Variants in ALG6 observed in about 807,000 individuals in gnomAD.
ALG6 encodes ALG6 alpha-1,3-glucosyltransferase, also known as dolichyl pyrophosphate Man9GlcNAc2 alpha-1,3-glucosyltransferase.
In ALG6, 46 loss-of-function variants were observed where a neutral mutation model predicts 66.6. That is an observed-to-expected ratio of 0.69 (90% confidence interval 0.55 to 0.88). The LOEUF (loss-of-function observed/expected upper bound fraction) is 0.88. Among genes scored for constraint, ALG6 ranks in the 40% least tolerant of loss-of-function variants. ALG6 has a pLI of 0.00. For synonymous variants in ALG6, 185 were observed against 203.7 expected, an observed-to-expected ratio of 0.91 and a Z score of 0.78; for missense variants, 505 against 586.8, an observed-to-expected ratio of 0.86 and a Z score of 1.44.
chr1:63,407,395 A>T (rs1384343230), intron 7 of ALG6, among the ~76,000 whole-genome samples: 3 of 152,106 alleles, frequency 2.0e-5, no homozygotes, highest in African/African-American at 7.2e-5. Flanking sequence ...TTGGAAAAAG[A>T]GTGCCAAGTA....
At position 63,425,562 on chromosome 1, in the gene ALG6, G is replaced by A. The variant is rs934561022; in HGVS notation, c.1059-3171G>A. On this transcript the variant is annotated intron_variant, in intron 12 of 14. Transcript: ENST00000263440. ...GGGAGAAGTGTGAAACATTTTCTAAGGAGAGACAGAGTGTAAACAGATCAG... is the reference window on the plus strand; with the variant it reads ...GGGAGAAGTGTGAAACATTTTCTAAAGAGAGACAGAGTGTAAACAGATCAG... Among the ~76,000 whole-genome samples, 9 of 152,326 alleles carry A rather than the reference G, an allele frequency of 5.9e-5. No homozygotes were observed. The South Asian group carries it at 1.2e-3, about 21-fold the overall frequency.
chr1:63,403,270 T>G (rs979362261), intron 4 of ALG6, among the ~76,000 whole-genome samples: 1 of 151,912 alleles, frequency 6.6e-6, no homozygotes, highest in African/African-American at 2.4e-5. Flanking sequence ...TATAAGAAAG[T>G]TTTTTTTCTG....
At position 63,433,168 on chromosome 1, in the gene ALG6, C is replaced by G. The variant is rs1294505041; in HGVS notation, c.1327-3655C>G. On this transcript the variant is annotated intron_variant, in intron 14 of 14. Coordinates refer to ENST00000263440, the MANE Select transcript of ALG6 (RefSeq NM_013339.4). This position sits in a 1 kb window ranked among gnomAD's most constrained non-coding sequence, Gnocchi z 4.2. ...ATATTGGCCAGGCTGGTCTCGAACT[C>G]CTGACCTCGTGATCCACCCGCCTCA... Among the ~76,000 whole-genome samples, 1 of 152,110 alleles carries G rather than the reference C, an allele frequency of 6.6e-6. No homozygotes were observed. Among genetic ancestry groups the G allele is most frequent in the Non-Finnish European group, 1.5e-5 (1 of 68,028 alleles).
intron 2 of ALG6, among the ~76,000 whole-genome samples, chr1:63,385,184 CTTTTTTTTTTTTTTTTTTTT>C (rs1165046824): frequency 1.7e-5 from 1 of 58,954 alleles, no homozygotes; most frequent in Non-Finnish European, 3.2e-5. Flanking sequence ...TTTACTTCTT[CTTTTTTTTTTTTTTTTTTTT>C]TTTTTTTTTT....
intron 2 of ALG6, among the ~76,000 whole-genome samples, chr1:63,385,314 C>T (rs1409683486): frequency 6.7e-6 from 1 of 149,778 alleles, no homozygotes; most frequent in Admixed American, 6.7e-5. Flanking sequence ...ATTCTCCTGC[C>T]TCAGTCTCCT....
At chr1:63,396,949 G>A (rs1648842404) in intron 3 of ALG6, among the ~76,000 whole-genome samples, 1 of 152,154 alleles carries the variant, frequency 6.6e-6, no homozygotes, top group East Asian at 1.9e-4. Context: ...AGATCACTAT[G>A]ATTGTAACTA....
Position 63,437,870 on chromosome 1 carries a change from C to G in ALG6, c.*850C>G, listed in dbSNP as rs757596302. On this transcript the variant is annotated 3_prime_UTR_variant, in exon 15 of 15. Coordinates refer to ENST00000263440, the MANE Select transcript of ALG6 (RefSeq NM_013339.4). ...GGTTACCACTGCCAGAGCATTGATT[C>G]ATGTTAACTTCATCCTATTAATACT... is the stretch of plus-strand genomic sequence containing the variant. The G allele has an allele frequency of 3.3e-5, 5 of 151,800 alleles. No individual in the cohort carries two copies. The highest frequency in any genetic ancestry group is 4.8e-5 in the African/African-American group (2 of 41,358). 9.4% of individuals were successfully genotyped at this position (151,800 alleles called of 1,614,324 possible).
At chr1:63,397,481 G>A (rs1648861751) in intron 3 of ALG6, among the ~76,000 whole-genome samples, 1 of 152,002 alleles carries the variant, frequency 6.6e-6, no homozygotes, top group South Asian at 2.1e-4. Flanking sequence ...CACCATGTGC[G>A]GCCTAGGTGT....
chr1:63,399,303 G>A (rs966175910), intron 3 of ALG6, among the ~76,000 whole-genome samples: 32 of 152,166 alleles, frequency 2.1e-4, no homozygotes, highest in Admixed American at 4.6e-4. Flanking sequence ...TTACATGTAC[G>A]TGAAACAGAA....
intron 10 of ALG6, among the ~76,000 whole-genome samples, chr1:63,414,379 G>A (rs544884732): frequency 1.3e-5 from 2 of 152,028 alleles, no homozygotes; most frequent in African/African-American, 4.8e-5. Flanking sequence ...AGCCTCTGGA[G>A]TAGCTGGGAT....
intron 2 of ALG6, chr1:63,371,378 G>A (rs1647920260): frequency 6.0e-6 from 2 of 331,564 alleles, no homozygotes; most frequent in Non-Finnish European, 1.1e-5. Flanking sequence ...TCTGTTTAGG[G>A]TAGAGAAGCA....
At chr1:63,432,685 A>G (rs1644652709) in intron 14 of ALG6, among the ~76,000 whole-genome samples, 1 of 152,264 alleles carries the variant, frequency 6.6e-6, no homozygotes, top group Admixed American at 6.5e-5. Flanking sequence ...AATTAGAGGC[A>G]GCTCAATTAT....
intron 2 of ALG6, among the ~76,000 whole-genome samples, chr1:63,393,616 T>C (rs1168341665): frequency 6.6e-6 from 1 of 152,196 alleles, no homozygotes; most frequent in Non-Finnish European, 1.5e-5. Context: ...GTATAGAATA[T>C]GGAATAAGAA....
At chr1:63,435,832 A>G (rs1337890159) in intron 14 of ALG6, among the ~76,000 whole-genome samples, 1 of 152,210 alleles carries the variant, frequency 6.6e-6, no homozygotes, top group Admixed American at 6.5e-5. Context: ...ACTGGAGTGC[A>G]GACAAAACAT....
At chr1:63,386,613 A>G (rs1214928232) in intron 2 of ALG6, among the ~76,000 whole-genome samples, 1 of 152,136 alleles carries the variant, frequency 6.6e-6, no homozygotes, top group African/African-American at 2.4e-5. Context: ...AATTGCTCAT[A>G]GTAGTCTCTG....
rs550315127 is a variant in ALG6, at chr1:63,375,222, T to C, written c.82+4163T>C. On this transcript the variant is annotated intron_variant, in intron 2 of 14. Transcript: ENST00000263440. Reference sequence around the variant, plus strand: ...ATTAAAAAAAAAATGTAGTGTGATATAGGCAAATACTTTGTTTCTTTTCTT... The same window carrying C: ...ATTAAAAAAAAAATGTAGTGTGATACAGGCAAATACTTTGTTTCTTTTCTT... Among the ~76,000 whole-genome samples the C allele has an allele frequency of 5.3e-5, 8 of 151,950 alleles. No individual in the cohort carries two copies. In the East Asian group the frequency reaches 9.7e-4, roughly 18 times the overall value.
intron 7 of ALG6, 96 bp downstream of exon 7, chr1:63,407,222 A>G: frequency 1.1e-6 from 1 of 872,272 alleles, no homozygotes; most frequent in South Asian, 1.3e-5. Flanking sequence ...CTTATTTGAT[A>G]GAGTGCTTGC....
At chr1:63,368,249 CTGG>C (rs1395138950) in intron 1 of ALG6, among the ~76,000 whole-genome samples, 2 of 152,276 alleles carry the variant, frequency 1.3e-5, no homozygotes, top group African/African-American at 4.8e-5. Context: ...AACCCTTTTT[CTGG>C]TTTAAGCAGA....
At position 63,433,935 on chromosome 1, in the gene ALG6, C is replaced by T. The variant is rs1338104819; in HGVS notation, c.1327-2888C>T. On this transcript the variant is annotated intron_variant, in intron 14 of 14. Transcript: ENST00000263440. This position sits in a 1 kb window ranked among gnomAD's most constrained non-coding sequence, Gnocchi z 4.2. ...TGAATGCAATTTTAAAGTGGCAGGG[C>T]TTTCTTGAGCAAAGAACCAAAGGAA... Among the ~76,000 whole-genome samples, 1 of 152,116 alleles carries T rather than the reference C, an allele frequency of 6.6e-6. No homozygotes were observed. Among genetic ancestry groups the T allele is most frequent in the Non-Finnish European group, 1.5e-5 (1 of 68,024 alleles).
Sources: allele counts gnomAD v4.1 joint callset (sites outside exome capture counted in the v4.1 genomes callset), GRCh38; gene constraint gnomAD v4.1.1; non-coding constraint Gnocchi (gnomAD v3.1); transcripts MANE v1.5; gene names NCBI Gene and HGNC (gene_info 2026-07-23, HGNC 2026-07-21).